NT5DC3: variants seen among roughly 807,000 people sequenced by gnomAD.
NT5DC3 encodes the protein 5'-nucleotidase domain-containing protein 3.
Under a neutral mutation model 67.8 loss-of-function variants are expected in NT5DC3, and 42 were observed. That is an observed-to-expected ratio of 0.62 (90% CI 0.48 to 0.80). NT5DC3 has a LOEUF of 0.80. NT5DC3 is among the 30% of genes least tolerant of loss of function. The pLI is 0.00. For missense variants in NT5DC3, 570 were observed against 696.4 expected, an observed-to-expected ratio of 0.82 and a Z score of 2.04; for synonymous variants, 237 against 255.6, an observed-to-expected ratio of 0.93 and a Z score of 0.69.
rs935791408 is a variant in NT5DC3 at position 103,777,439 on chromosome 12, C to A, written c.*390G>T. ...TGCCCATCACTGTGCCCCTGCAGTT[C>A]CCAATGCATAGCCCGTAAATGTTCA... On this transcript the variant is annotated 3_prime_UTR_variant, in exon 14 of 14. Coordinates refer to ENST00000392876, the MANE Select transcript of NT5DC3 (RefSeq NM_001031701.3). 5.3e-5 allele frequency: 10 copies of A among 189,628 alleles called. No individual in the cohort carries two copies. Among genetic ancestry groups the A allele is most frequent in the African/African-American group, 2.1e-4 (9 of 42,764 alleles). The allele number at this position is 189,628 out of a possible 1,614,324, so 11.7% of individuals were successfully genotyped here.
At chr12:103,791,733 G>C (rs900697790) in intron 9 of NT5DC3, among the ~76,000 whole-genome samples, 3 of 152,228 alleles carry the variant, frequency 2.0e-5, no homozygotes, top group Non-Finnish European at 4.4e-5. Context: ...GTGGGTGAGA[G>C]AGCATTACCG....
the NT5DC3 span, chr12:103,761,315 G>A: frequency 6.2e-7 from 1 of 1,614,098 alleles, no homozygotes. Context: ...GACCAGGTTT[G>A]TTGATGGAAG....
chr12:103,840,886 G>A, intron 1 of NT5DC3, 63 bp downstream of exon 1: 5 of 1,047,914 alleles, frequency 4.8e-6, no homozygotes, highest in Non-Finnish European at 6.3e-6. Context: ...TAGGGCGCCC[G>A]CTTCCCAGCT....
In NT5DC3 at chr12:103,794,148, C is replaced by CTTTTTTT. The variant is rs766607290; in HGVS notation, c.754-152_754-151insAAAAAAA. On this transcript the variant is annotated intron_variant, in intron 6 of 13. Transcript: ENST00000392876. ...AATCTAAATTCTGGTCCATTTTCTTCTTCTTTTTTTTTTTTTTTTGAGACA... is the reference window on the plus strand; with the variant it reads ...AATCTAAATTCTGGTCCATTTTCTTCTTTTTTTTTCTTTTTTTTTTTTTTTTGAGACA... 1.4e-5 allele frequency: 7 copies of CTTTTTTT among 489,354 alleles called. 1 individual carries two copies. Among genetic ancestry groups the CTTTTTTT allele is most frequent in the African/African-American group, 6.3e-5 (3 of 47,942 alleles). The allele number at this position is 489,354 out of a possible 1,614,324, so 30.3% of individuals were successfully genotyped here. A position where few individuals can be genotyped will look rare whatever the true frequency, so the allele number is the denominator to read the frequency against.
chr12:103,795,940 C>A (rs1473551602), intron 6 of NT5DC3, among the ~76,000 whole-genome samples: 1 of 152,134 alleles, frequency 6.6e-6, no homozygotes, highest in South Asian at 2.1e-4. Context: ...AAAATGACAT[C>A]GAATAAATTG....
chr12:103,815,402 T>C (rs2139422507), intron 1 of NT5DC3, among the ~76,000 whole-genome samples: 1 of 152,174 alleles, frequency 6.6e-6, no homozygotes, highest in South Asian at 2.1e-4. Context: ...GTGATGAAAA[T>C]GTTCTAAAAT....
At chr12:103,750,501 A>G in the NT5DC3 span, 1 of 1,574,304 alleles carries the variant, frequency 6.4e-7, no homozygotes, top group East Asian at 2.2e-5. Flanking sequence ...TAGGCTGGAC[A>G]TTGGTCCCAT....
intron 1 of NT5DC3, among the ~76,000 whole-genome samples, chr12:103,835,440 T>G (rs148147970): frequency 1.3e-5 from 2 of 152,116 alleles, no homozygotes; most frequent in Admixed American, 6.5e-5. Flanking sequence ...TTAAAAAGAC[T>G]TGGATATTAT....
chr12:103,748,840 C>T, the NT5DC3 span: 71 of 1,014,398 alleles, frequency 7.0e-5, 1 homozygote, highest in South Asian at 7.5e-4. Context: ...GAGAGAAGCA[C>T]GAACACGCAG....
At chr12:103,755,722 T>G in the NT5DC3 span, 1 of 1,614,066 alleles carries the variant, frequency 6.2e-7, no homozygotes, top group South Asian at 1.1e-5. Flanking sequence ...CCTGACGGTA[T>G]GTACCATGTC....
chr12:103,780,419 C>T (rs188801069), intron 12 of NT5DC3, 55 bp from the exon 13 acceptor site: 45 of 1,526,006 alleles, frequency 2.9e-5, no homozygotes, highest in African/African-American at 9.5e-5. Context: ...AAGCTCATTA[C>T]GTAATGAGAA....
chr12:103,784,938 G>A (rs1470121483), intron 12 of NT5DC3, among the ~76,000 whole-genome samples: 1 of 152,202 alleles, frequency 6.6e-6, no homozygotes, highest in Non-Finnish European at 1.5e-5. Flanking sequence ...TGCCTAGACT[G>A]AAGTTTTCGT....
chr12:103,833,627 C>T (rs1257063581), intron 1 of NT5DC3, among the ~76,000 whole-genome samples: 2 of 151,664 alleles, frequency 1.3e-5, no homozygotes, highest in Admixed American at 6.6e-5. Context: ...CTAACTAATC[C>T]CCATACTTCT....
At chr12:103,779,379 T>C (rs1885456788) in intron 13 of NT5DC3, among the ~76,000 whole-genome samples, 1 of 152,212 alleles carries the variant, frequency 6.6e-6, no homozygotes, top group Non-Finnish European at 1.5e-5. Context: ...TGCTAATAAG[T>C]CATTTACAAA....
downstream of NT5DC3, chr12:103,766,046 G>C (rs768693049): frequency 4.5e-6 from 3 of 660,076 alleles, no homozygotes; most frequent in Non-Finnish European, 8.4e-6. Context: ...AACTGCAGCC[G>C]AGTTGGGATG....
At chr12:103,758,699 G>A in the NT5DC3 span, among the ~76,000 whole-genome samples, 3 of 152,352 alleles carry the variant, frequency 2.0e-5, no homozygotes, top group South Asian at 6.2e-4. Flanking sequence ...AGGGCCAGGG[G>A]TGCAGGGAGT....
the NT5DC3 span, chr12:103,750,455 G>A: frequency 1.6e-6 from 2 of 1,254,014 alleles, no homozygotes; most frequent in Non-Finnish European, 2.2e-6. Flanking sequence ...CACTGGACAG[G>A]AAAGGCACGT....
chr12:103,816,988 A>G (rs1294320041), intron 1 of NT5DC3, among the ~76,000 whole-genome samples: 1 of 123,876 alleles, frequency 8.1e-6, no homozygotes, highest in African/African-American at 2.8e-5. Flanking sequence ...TTTTGCTTTC[A>G]TGGAACACTG....
At chr12:103,831,010 A>G (rs981814385) in intron 1 of NT5DC3, among the ~76,000 whole-genome samples, 1 of 152,140 alleles carries the variant, frequency 6.6e-6, no homozygotes, top group Non-Finnish European at 1.5e-5. Flanking sequence ...TTATCCAGAG[A>G]GTTTGCACTG....
Sources: allele counts gnomAD v4.1 joint callset (sites outside exome capture counted in the v4.1 genomes callset), GRCh38; gene constraint gnomAD v4.1.1; transcripts MANE v1.5; gene names NCBI Gene and HGNC (gene_info 2026-07-23, HGNC 2026-07-21).